The following VAV3 variants were observed in gnomAD, a reference collection of about 807,000 sequenced individuals.
VAV3 encodes guanine nucleotide exchange factor VAV3.
In VAV3, 94 loss-of-function variants were observed where a neutral mutation model predicts 131.2. That is an observed-to-expected ratio of 0.72 (90% CI 0.61 to 0.85). The LOEUF is 0.85. Ranked by LOEUF, VAV3 falls within the 40% of genes least tolerant of loss-of-function variation. The probability of loss-of-function intolerance (pLI) is 0.00; values close to 1 mark genes in which losing one functional copy is unlikely to be tolerated. For synonymous variants in VAV3, 349 were observed against 342.0 expected, an observed-to-expected ratio of 1.02 and a Z score of -0.22; for missense variants, 939 against 1,002.7, an observed-to-expected ratio of 0.94 and a Z score of 0.86.
At chr1:107,961,553 CATTTT>C (rs1324971431) in intron 1 of VAV3, among the ~76,000 whole-genome samples, 15 of 152,168 alleles carry the variant, frequency 9.9e-5, no homozygotes, top group Middle Eastern at 3.2e-3. Context: ...TGGCCAACTG[CATTTT>C]ATTTAACTGT....
chr1:107,641,140 T>C (rs1655307896), intron 20 of VAV3, among the ~76,000 whole-genome samples: 1 of 152,144 alleles, frequency 6.6e-6, no homozygotes, highest in African/African-American at 2.4e-5. Context: ...AGTGGGATAC[T>C]TAAGAAGAAT....
intron 1 of VAV3, among the ~76,000 whole-genome samples, chr1:107,883,020 T>A (rs6583054): frequency 0.79 from 119,763 of 152,068 alleles, 47,574 homozygotes; most frequent in African/African-American, 0.89. Flanking sequence ...TTCTCAGCAA[T>A]TTAAAAGCCA....
At chr1:107,896,129 T>C (rs1671560521) in intron 1 of VAV3, among the ~76,000 whole-genome samples, 1 of 152,222 alleles carries the variant, frequency 6.6e-6, no homozygotes, top group African/African-American at 2.4e-5. Flanking sequence ...TAATGTTCAA[T>C]TTAGGCAGCC....
chr1:107,664,358 C>A (rs1259350022), intron 19 of VAV3, among the ~76,000 whole-genome samples: 2 of 152,036 alleles, frequency 1.3e-5, no homozygotes, highest in African/African-American at 4.8e-5. Flanking sequence ...CAACCCCCCA[C>A]AAAAGGCCCC....
At chr1:107,720,428 T>TAAATAAATA (rs1220503756) in intron 15 of VAV3, among the ~76,000 whole-genome samples, 74 of 114,692 alleles carry the variant, frequency 6.5e-4, no homozygotes, top group South Asian at 1.2e-3. Flanking sequence ...AATAAATAAA[T>TAAATAAATA]AAAAGTTCCA....
chr1:107,642,400 C>T (rs1655408486), intron 20 of VAV3, among the ~76,000 whole-genome samples: 1 of 152,148 alleles, frequency 6.6e-6, no homozygotes, highest in African/African-American at 2.4e-5. Flanking sequence ...TAATCCACCC[C>T]TTGTTTAATA....
At chr1:107,809,747 A>C (rs1318052601) in intron 2 of VAV3, among the ~76,000 whole-genome samples, 1 of 152,220 alleles carries the variant, frequency 6.6e-6, no homozygotes, top group African/African-American at 2.4e-5. Context: ...ATTTTATTCT[A>C]TACCTTAGAA....
intron 1 of VAV3, among the ~76,000 whole-genome samples, chr1:107,933,096 T>G (rs1257298928): frequency 1.3e-5 from 2 of 152,220 alleles, no homozygotes; most frequent in East Asian, 3.8e-4. Flanking sequence ...TGCCAAATAA[T>G]GAAACGTGTG....
chr1:107,611,150 G>A (rs140432090), intron 21 of VAV3, among the ~76,000 whole-genome samples: 4 of 152,210 alleles, frequency 2.6e-5, no homozygotes, highest in Admixed American at 6.5e-5. Context: ...ATCTAAAATC[G>A]TATGTGCTCC....
intron 20 of VAV3, among the ~76,000 whole-genome samples, chr1:107,621,041 T>C (rs1653555147): frequency 6.6e-6 from 1 of 151,932 alleles, no homozygotes; most frequent in Non-Finnish European, 1.5e-5. Flanking sequence ...TGGTATAAAC[T>C]GAACTGTTCT....
intron 15 of VAV3, among the ~76,000 whole-genome samples, chr1:107,746,326 A>G (rs970285762): frequency 1.8e-4 from 27 of 152,226 alleles, no homozygotes; most frequent in Admixed American, 1.8e-3. Flanking sequence ...AACTCTGAGC[A>G]ATTCTCCAAA....
intron 19 of VAV3, among the ~76,000 whole-genome samples, chr1:107,646,172 T>C (rs945304135): frequency 1.3e-5 from 2 of 151,928 alleles, no homozygotes; most frequent in African/African-American, 4.8e-5. Flanking sequence ...ACTACAAAAC[T>C]TGAACTCTAA....
intron 1 of VAV3, among the ~76,000 whole-genome samples, chr1:107,927,607 C>T (rs577687668): frequency 1.3e-5 from 2 of 152,172 alleles, no homozygotes; most frequent in Admixed American, 6.5e-5. Flanking sequence ...GTCTGAAGAG[C>T]CCTTGGCCCT....
intron 17 of VAV3, among the ~76,000 whole-genome samples, chr1:107,697,365 A>G (rs963367456): frequency 2.6e-5 from 4 of 152,238 alleles, no homozygotes; most frequent in African/African-American, 9.6e-5. Context: ...GCAGGAAAGA[A>G]CTTAAAAGAA....
intron 15 of VAV3, among the ~76,000 whole-genome samples, chr1:107,711,701 C>T (rs909641324): frequency 5.3e-5 from 8 of 152,022 alleles, no homozygotes; most frequent in East Asian, 1.9e-4. Context: ...TCAATAAATT[C>T]GTAAGTAGTC....
At chr1:107,811,786 G>T (rs1667329200) in intron 2 of VAV3, among the ~76,000 whole-genome samples, 1 of 152,016 alleles carries the variant, frequency 6.6e-6, no homozygotes, top group African/African-American at 2.4e-5. Context: ...CAAATCAAAG[G>T]TGAACACTAA....
intron 1 of VAV3, among the ~76,000 whole-genome samples, chr1:107,909,657 A>C (rs1202846979): frequency 1.3e-5 from 2 of 152,188 alleles, no homozygotes; most frequent in Non-Finnish European, 2.9e-5. Context: ...TGCTGCATTT[A>C]ACAAATTACC....
chr1:107,887,628 C>G (rs1348860193), intron 1 of VAV3, among the ~76,000 whole-genome samples: 2 of 152,172 alleles, frequency 1.3e-5, no homozygotes, highest in East Asian at 3.9e-4. Flanking sequence ...TTTTAAAAAT[C>G]TTTTACAATG....
chr1:107,850,198 T>C (rs1158221683), intron 2 of VAV3, among the ~76,000 whole-genome samples: 1 of 152,208 alleles, frequency 6.6e-6, no homozygotes, highest in African/African-American at 2.4e-5. Context: ...AAATACCATT[T>C]GACCCAGCAA....
Sources: gnomAD v4.1 joint callset for allele counts (sites outside exome capture counted in the v4.1 genomes callset) on GRCh38, gnomAD v4.1.1 for gene constraint, MANE v1.5 for transcripts, NCBI Gene and HGNC (gene_info 2026-07-23, HGNC 2026-07-21) for gene names.